Variants in LINGO2 observed in about 807,000 individuals in gnomAD.
LINGO2 encodes leucine rich repeat and Ig domain containing 2.
Under a neutral mutation model 30.6 loss-of-function variants are expected in LINGO2, and 14 were observed. The observed-to-expected ratio is 0.46, with a 90% CI of 0.30 to 0.72. The LOEUF is 0.72. Among genes scored for constraint, LINGO2 ranks in the 30% least tolerant of loss-of-function variants. LINGO2 has a pLI of 0.07. For synonymous variants in LINGO2, 317 were observed against 288.5 expected (o/e 1.10, Z -1.00); for missense variants, 729 against 751.7 (o/e 0.97, Z 0.35).
intron 4 of LINGO2, among the ~76,000 whole-genome samples, chr9:28,144,247 T>A (rs539134065): frequency 6.6e-6 from 1 of 152,314 alleles, no homozygotes; most frequent in African/African-American, 2.4e-5. Context: ...TAATTTCAAA[T>A]GAGAAAAATA....
At chr9:29,036,007 T>C in the LINGO2 span, among the ~76,000 whole-genome samples, 1 of 152,038 alleles carries the variant, frequency 6.6e-6, no homozygotes, top group African/African-American at 2.4e-5. Context: ...TAGAAAGACA[T>C]GGGAAGTCAC....
chr9:28,590,652 G>A (rs1401588422), intron 1 of LINGO2, among the ~76,000 whole-genome samples: 3 of 151,878 alleles, frequency 2.0e-5, no homozygotes, highest in Admixed American at 6.6e-5. Flanking sequence ...AAAAAGTCAG[G>A]AAACGACAGG....
At chr9:28,534,859 C>A (rs1462331577) in intron 1 of LINGO2, among the ~76,000 whole-genome samples, 1 of 152,046 alleles carries the variant, frequency 6.6e-6, no homozygotes, top group Non-Finnish European at 1.5e-5. Flanking sequence ...GCACATTATT[C>A]TGGAGTTTTG....
the LINGO2 span, among the ~76,000 whole-genome samples, chr9:28,994,790 T>C: frequency 0.51 from 78,231 of 152,004 alleles, 21,246 homozygotes; most frequent in Non-Finnish European, 0.6. Context: ...ATTTAATAAA[T>C]GGTCCTGGGA....
chr9:28,321,944 G>T (rs571313251), intron 3 of LINGO2, among the ~76,000 whole-genome samples: 6 of 151,968 alleles, frequency 3.9e-5, no homozygotes, highest in African/African-American at 1.4e-4. Context: ...ATTTAATTTT[G>T]ATGCATATTT....
chr9:28,590,798 C>T (rs1186973796), intron 1 of LINGO2, among the ~76,000 whole-genome samples: 1 of 152,174 alleles, frequency 6.6e-6, no homozygotes, highest in Non-Finnish European at 1.5e-5. Context: ...CCCAGCCATC[C>T]CATTACTGGG....
the LINGO2 span, among the ~76,000 whole-genome samples, chr9:28,897,384 C>T: frequency 5.3e-5 from 8 of 152,144 alleles, no homozygotes; most frequent in African/African-American, 1.7e-4. Flanking sequence ...TAGAAATCTA[C>T]ACTTTCCAGC....
At chr9:28,205,049 T>C (rs1258406231) in intron 4 of LINGO2, among the ~76,000 whole-genome samples, 1 of 152,116 alleles carries the variant, frequency 6.6e-6, no homozygotes, top group Non-Finnish European at 1.5e-5. Flanking sequence ...AATTCAGAAA[T>C]ATGTGTTGAG....
chr9:28,365,310 T>A (rs4879240), intron 3 of LINGO2, among the ~76,000 whole-genome samples: 32 of 151,914 alleles, frequency 2.1e-4, no homozygotes, highest in Non-Finnish European at 2.6e-4. Context: ...AAATGTCACC[T>A]GGGCCAGATT....
At chr9:28,016,857 A>T (rs1189444771) in intron 4 of LINGO2, among the ~76,000 whole-genome samples, 1 of 152,064 alleles carries the variant, frequency 6.6e-6, no homozygotes, top group East Asian at 1.9e-4. Context: ...CAGGAACCTA[A>T]TACCAAAACT....
intron 1 of LINGO2, among the ~76,000 whole-genome samples, chr9:28,511,354 T>C (rs983399651): frequency 6.6e-6 from 1 of 152,158 alleles, no homozygotes; most frequent in Admixed American, 6.5e-5. Flanking sequence ...GGTGCCATAT[T>C]GAGGGCTCAG....
the LINGO2 span, among the ~76,000 whole-genome samples, chr9:28,847,969 A>G: frequency 2.0e-5 from 2 of 99,514 alleles, no homozygotes; most frequent in African/African-American, 7.3e-5. Context: ...ACACATATAT[A>G]TGTATATATG....
chr9:29,045,488 A>G, the LINGO2 span, among the ~76,000 whole-genome samples: 22 of 152,072 alleles, frequency 1.4e-4, no homozygotes, highest in Non-Finnish European at 2.8e-4. Flanking sequence ...TACCTTTTGT[A>G]TGCAATACAA....
At chr9:28,917,557 A>C in the LINGO2 span, among the ~76,000 whole-genome samples, 2 of 151,964 alleles carry the variant, frequency 1.3e-5, no homozygotes, top group Non-Finnish European at 2.9e-5. Flanking sequence ...GATTCAAGCA[A>C]TTCTCCTGTC....
At chr9:28,285,305 T>C (rs1017261772) in intron 4 of LINGO2, among the ~76,000 whole-genome samples, 1 of 152,162 alleles carries the variant, frequency 6.6e-6, no homozygotes, top group African/African-American at 2.4e-5. Context: ...AATGATCTCA[T>C]TTAATGCTTA....
the LINGO2 span, among the ~76,000 whole-genome samples, chr9:28,682,661 A>G: frequency 6.6e-6 from 1 of 152,170 alleles, no homozygotes; most frequent in Non-Finnish European, 1.5e-5. Flanking sequence ...AAATTGATGT[A>G]AAATTATGGC....
At chr9:29,200,618 T>C in the LINGO2 span, among the ~76,000 whole-genome samples, 4 of 152,102 alleles carry the variant, frequency 2.6e-5, no homozygotes, top group Non-Finnish European at 5.9e-5. Context: ...ACCCAGTTTT[T>C]CCTACTATAA....
rs1823521016 is a variant in LINGO2, at chr9:28,428,725, AG to A, written c.-279+47214del. On this transcript the variant is annotated intron_variant, in intron 2 of 5. Coordinates refer to ENST00000379992, the Ensembl canonical transcript of LINGO2. ...CTGCTGGTTATATGGTAGGTGCAGA[AG>A]ATTTGGAATCAGACACACCTGGATT... Among the ~76,000 whole-genome samples the A allele has an allele frequency of 5.3e-5, 8 of 152,274 alleles. No homozygotes were observed. The South Asian group carries it at 1.7e-3, about 32-fold the overall frequency.
At chr9:29,114,596 C>A in the LINGO2 span, among the ~76,000 whole-genome samples, 2 of 135,232 alleles carry the variant, frequency 1.5e-5, no homozygotes, top group Non-Finnish European at 3.1e-5. Flanking sequence ...TGTTCCCCTT[C>A]CTGTGTCTAT....
Sources: gnomAD v4.1 joint callset for allele counts (sites outside exome capture counted in the v4.1 genomes callset) on GRCh38, gnomAD v4.1.1 for gene constraint, MANE v1.5 for transcripts, NCBI Gene and HGNC (gene_info 2026-07-23, HGNC 2026-07-21) for gene names.